DPYSL3: variants seen among roughly 807,000 people sequenced by gnomAD.
DPYSL3 encodes the protein dihydropyrimidinase-related protein 3.
In DPYSL3, 16 loss-of-function variants were observed where a neutral mutation model predicts 66.1. The observed-to-expected ratio is 0.24, with a 90% CI of 0.16 to 0.37. DPYSL3 has a LOEUF of 0.37. Ranked by LOEUF, DPYSL3 falls within the 10% of genes least tolerant of loss-of-function variation. The pLI, the probability that DPYSL3 is intolerant of heterozygous loss-of-function variation, is 1.00. For synonymous variants in DPYSL3, 338 were observed against 345.1 expected (o/e 0.98, Z 0.23); for missense variants, 738 against 916.2 (o/e 0.81, Z 2.51).
In DPYSL3 at chr5:147,434,928, A is replaced by G. The variant is rs148322917; in HGVS notation, c.382-9965T>C. On this transcript the variant is annotated intron_variant, in intron 1 of 13. Transcript: ENST00000343218. ...AAACTGGACTCTCTTCAATGTATCA[A>G]TATTGGTTCATCTATTGTAACAAGC... Among the ~76,000 whole-genome samples, 165 of 152,316 alleles carry G rather than the reference A, an allele frequency of 1.1e-3. 2 individuals carry two copies. Among genetic ancestry groups the G allele is most frequent in the African/African-American group, 3.8e-3 (159 of 41,576 alleles).
Position 147,395,609 on chromosome 5 carries a change from C to T in DPYSL3, c.1916G>A (p.Arg639Gln), listed in dbSNP as rs1383006271. The T allele has an allele frequency of 6.8e-6, 11 of 1,613,932 alleles. No individual in the cohort carries two copies. The highest frequency in any genetic ancestry group is 1.7e-4 in the Middle Eastern group (1 of 6,060). ...AAGATTCCTCACAGGTGGGTTCGGC[C>T]GAGTAGGAGAGCCCCGAGCAGAGCC... ...PAGSARGSPT[R>Q]PNPPVRNLHQ... Residue 639 changes from arginine (R) to glutamine (Q), a missense_variant, in exon 13 of 14, where the codon CGG becomes CAG. Arg to Gln is a conservative substitution (Grantham distance 43, BLOSUM62 1). Coordinates refer to ENST00000343218, the MANE Select transcript of DPYSL3 (RefSeq NM_001197294.2).
At chr5:147,426,386 G>A (rs1240313681) in intron 1 of DPYSL3, among the ~76,000 whole-genome samples, 1 of 152,080 alleles carries the variant, frequency 6.6e-6, no homozygotes, top group East Asian at 1.9e-4. Flanking sequence ...GGTTGGGGAG[G>A]TAGGCAGGCT....
chr5:147,493,582 G>A (rs1581217596), intron 1 of DPYSL3, among the ~76,000 whole-genome samples: 2 of 151,318 alleles, frequency 1.3e-5, no homozygotes, highest in South Asian at 4.2e-4. Flanking sequence ...TAAAAAAAAA[G>A]AAAGAAAGGA....
intron 8 of DPYSL3, among the ~76,000 whole-genome samples, chr5:147,404,408 A>G (rs1345223898): frequency 6.6e-6 from 1 of 152,254 alleles, no homozygotes; most frequent in African/African-American, 2.4e-5. Flanking sequence ...CATCAGCGTC[A>G]GCTGAGACTA....
chr5:147,450,026 G>A (rs937604080), intron 1 of DPYSL3, among the ~76,000 whole-genome samples: 18 of 152,300 alleles, frequency 1.2e-4, no homozygotes, highest in African/African-American at 4.3e-4. Context: ...CCCTACCAAT[G>A]TCAAGTAACA....
intron 1 of DPYSL3, among the ~76,000 whole-genome samples, chr5:147,465,446 C>T (rs1220427284): frequency 6.6e-6 from 1 of 152,058 alleles, no homozygotes; most frequent in African/African-American, 2.4e-5. Flanking sequence ...AATACAGGTG[C>T]CTGCCGCCAC....
chr5:147,454,616 A>G (rs1752812275), intron 1 of DPYSL3, among the ~76,000 whole-genome samples: 1 of 152,262 alleles, frequency 6.6e-6, no homozygotes, highest in African/African-American at 2.4e-5. Context: ...GTGGGAAGGC[A>G]GTAGCCCAGA....
chr5:147,441,616 T>C (rs542863268), intron 1 of DPYSL3, among the ~76,000 whole-genome samples: 1 of 152,332 alleles, frequency 6.6e-6, no homozygotes, highest in Admixed American at 6.5e-5. Context: ...TAACTTCTCA[T>C]AACAAAAGTT....
At chr5:147,499,595 C>G (rs958918722) in intron 1 of DPYSL3, among the ~76,000 whole-genome samples, 9 of 152,146 alleles carry the variant, frequency 5.9e-5, no homozygotes, top group Admixed American at 3.3e-4. Flanking sequence ...TGCTCATGGA[C>G]AGGAAGACTC....
At chr5:147,442,412 T>C (rs1752550034) in intron 1 of DPYSL3, among the ~76,000 whole-genome samples, 1 of 152,126 alleles carries the variant, frequency 6.6e-6, no homozygotes, top group East Asian at 1.9e-4. Flanking sequence ...AAAGCAGAGT[T>C]TTCCATGTAA....
chr5:147,446,698 C>T (rs146556293), intron 1 of DPYSL3, among the ~76,000 whole-genome samples: 47 of 152,254 alleles, frequency 3.1e-4, no homozygotes, highest in African/African-American at 1.1e-3. Flanking sequence ...AAAACAGCAT[C>T]TGCTTTTCCA....
intron 1 of DPYSL3, chr5:147,472,531 G>GA (rs1753100515): frequency 6.6e-6 from 1 of 151,984 alleles, no homozygotes; most frequent in Admixed American, 6.6e-5. Context: ...CTCTGTTTGG[G>GA]AAAAAATGCA....
intron 1 of DPYSL3, among the ~76,000 whole-genome samples, chr5:147,429,480 G>T (rs760012286): frequency 6.6e-6 from 1 of 151,700 alleles, no homozygotes; most frequent in African/African-American, 2.4e-5. Context: ...GCCAGTGTGC[G>T]TGTGTGTGTG....
At chr5:147,428,160 A>G (rs549216146) in intron 1 of DPYSL3, among the ~76,000 whole-genome samples, 1 of 152,232 alleles carries the variant, frequency 6.6e-6, no homozygotes, top group East Asian at 1.9e-4. Flanking sequence ...TTTCTGGCTC[A>G]ATAATCAGGA....
intron 1 of DPYSL3, among the ~76,000 whole-genome samples, chr5:147,473,836 CT>C (rs1350933325): frequency 1.3e-5 from 2 of 151,952 alleles, no homozygotes; most frequent in African/African-American, 4.8e-5. Flanking sequence ...TTCCAATTTT[CT>C]TTTTTAAATA....
At chr5:147,501,335 A>C (rs1415760720) in intron 1 of DPYSL3, among the ~76,000 whole-genome samples, 1 of 152,172 alleles carries the variant, frequency 6.6e-6, no homozygotes, top group Non-Finnish European at 1.5e-5. Flanking sequence ...CAGAGAGAGC[A>C]CAGAAGATTT....
rs1175452653 is a variant in DPYSL3, at chr5:147,509,565, G to C, written c.294C>G (p.Pro98=). ...RGQGREESRE[P]APASPAPAGV... Reference sequence around the variant, plus strand: ...CGGCGGGGGCGGGGGAGGCGGGCGCGGGCTCCCTGCTCTCTTCCCGGCCTT... The same window carrying C: ...CGGCGGGGGCGGGGGAGGCGGGCGCCGGCTCCCTGCTCTCTTCCCGGCCTT... Residue 98 remains proline (P), a synonymous_variant, in exon 1 of 14, where the codon CCC becomes CCG. Coordinates refer to ENST00000343218, the MANE Select transcript of DPYSL3 (RefSeq NM_001197294.2). This position sits in a 1 kb window ranked among gnomAD's most constrained non-coding sequence, Gnocchi z 5.3. 12 of 1,535,012 alleles carry C rather than the reference G, an allele frequency of 7.8e-6. No homozygotes were observed. The East Asian group carries it at 1.7e-4, about 22-fold the overall frequency.
chr5:147,474,987 C>T (rs945536758), intron 1 of DPYSL3, among the ~76,000 whole-genome samples: 3 of 151,934 alleles, frequency 2.0e-5, no homozygotes, highest in Non-Finnish European at 4.4e-5. Context: ...ACTTTTCTCA[C>T]ATATTACTGG....
chr5:147,412,619 T>C lies in DPYSL3; in HGVS notation c.952A>G (p.Ile318Val), dbSNP rs1208097914. The change falls in exon 6 of 14, where the codon ATC becomes GTC. Residue 318 changes from isoleucine (I) to valine (V), a missense_variant. Coordinates refer to ENST00000343218, the MANE Select transcript of DPYSL3 (RefSeq NM_001197294.2). Reference sequence around the variant, plus strand: ...CTGCACGGTGTTACCTGGGCAATGATATCCCCATTCTCAGCATGAACTTGA... The same window carrying C: ...CTGCACGGTGTTACCTGGGCAATGACATCCCCATTCTCAGCATGAACTTGA... ...IAQVHAENGD[I>V]IAQEQTRMLE... 2.5e-6 allele frequency: 4 copies of C among 1,612,554 alleles called. No individual in the cohort carries two copies. In the African/African-American group the frequency reaches 5.3e-5, roughly 21 times the overall value.
Sources: allele counts gnomAD v4.1 joint callset (sites outside exome capture counted in the v4.1 genomes callset), GRCh38; gene constraint gnomAD v4.1.1; non-coding constraint Gnocchi (gnomAD v3.1); transcripts MANE v1.5; gene names NCBI Gene and HGNC (gene_info 2026-07-23, HGNC 2026-07-21).